Variants in BANK1 observed in about 807,000 individuals in gnomAD.
BANK1 encodes B cell scaffold protein with ankyrin repeats 1, also known as B-cell scaffold protein with ankyrin repeats.
Under a neutral mutation model 94.5 loss-of-function variants are expected in BANK1, and 95 were observed. The ratio of observed to expected loss-of-function variants is 1.00; its 90% confidence interval spans 0.85 to 1.19. BANK1 has a LOEUF of 1.19. Among genes scored for constraint, BANK1 ranks in the 50% most tolerant of loss-of-function variants. The pLI is 0.00. For synonymous variants in BANK1, 334 were observed against 308.4 expected, an observed-to-expected ratio of 1.08 and a Z score of -0.87; for missense variants, 987 against 932.2, an observed-to-expected ratio of 1.06 and a Z score of -0.77.
chr4:102,057,227 TCTCTCTCTCTCTTG>T (rs1193497862), intron 11 of BANK1, among the ~76,000 whole-genome samples: 3 of 151,938 alleles, frequency 2.0e-5, no homozygotes, highest in Non-Finnish European at 2.9e-5. Context: ...TCTCGCTCTC[TCTCTCTCTCTCTTG>T]CTCTCTCTCT....
intron 10 of BANK1, among the ~76,000 whole-genome samples, chr4:102,038,043 A>C (rs957563072): frequency 2.0e-5 from 3 of 152,162 alleles, no homozygotes. Flanking sequence ...GCTTTTTGGA[A>C]TCCTTTTTGA....
chr4:101,927,886 G>A (rs962525958), intron 7 of BANK1, among the ~76,000 whole-genome samples: 4 of 151,550 alleles, frequency 2.6e-5, no homozygotes, highest in African/African-American at 4.8e-5. Flanking sequence ...AGCCAACAAC[G>A]AGCAGCATTT....
At chr4:101,976,991 T>C (rs1725155584) in intron 7 of BANK1, 1 of 152,112 alleles carries the variant, frequency 6.6e-6, no homozygotes, top group African/African-American at 2.4e-5. Flanking sequence ...TACTTTAGTG[T>C]TGTGAAAGTC....
intron 7 of BANK1, among the ~76,000 whole-genome samples, chr4:101,928,285 A>G (rs564243495): frequency 2.6e-5 from 4 of 151,796 alleles, no homozygotes; most frequent in South Asian, 2.1e-4. Flanking sequence ...AGAGTGAAGC[A>G]TGATGCTATT....
chr4:101,800,993 G>A (rs1054869585), intron 1 of BANK1, among the ~76,000 whole-genome samples: 1 of 152,140 alleles, frequency 6.6e-6, no homozygotes, highest in African/African-American at 2.4e-5. Context: ...CCTGACCTTA[G>A]ATGATCCACC....
intron 1 of BANK1, among the ~76,000 whole-genome samples, chr4:101,813,077 T>C (rs1725778949): frequency 1.3e-5 from 2 of 152,140 alleles, no homozygotes; most frequent in Non-Finnish European, 2.9e-5. Flanking sequence ...ACCATTGATA[T>C]TATTTTTTAT....
chr4:102,007,298 A>C (rs1185334511), intron 7 of BANK1, among the ~76,000 whole-genome samples: 3 of 150,412 alleles, frequency 2.0e-5, no homozygotes, highest in Admixed American at 6.7e-5. Flanking sequence ...AGCACAGATC[A>C]ACAACTCTGT....
chr4:101,799,673 G>C (rs1344780812), intron 1 of BANK1, among the ~76,000 whole-genome samples: 1 of 152,100 alleles, frequency 6.6e-6, no homozygotes, highest in East Asian at 1.9e-4. Context: ...AGGAGATCGA[G>C]GCCATCCTGG....
chr4:101,897,557 G>A (rs1457525952), intron 6 of BANK1, among the ~76,000 whole-genome samples: 2 of 151,920 alleles, frequency 1.3e-5, no homozygotes, highest in African/African-American at 4.8e-5. Flanking sequence ...CATTCTAAGT[G>A]TTTGCCTTTT....
chr4:101,807,533 A>G (rs566803238), intron 1 of BANK1, among the ~76,000 whole-genome samples: 1 of 152,252 alleles, frequency 6.6e-6, no homozygotes, highest in Admixed American at 6.5e-5. Context: ...ACTGCCTGCC[A>G]CTATGTCTCC....
At chr4:102,068,498 A>G (rs929965791) in intron 13 of BANK1, among the ~76,000 whole-genome samples, 4 of 152,096 alleles carry the variant, frequency 2.6e-5, no homozygotes, top group African/African-American at 7.2e-5. Flanking sequence ...ACTACAACAG[A>G]TCCTACAGAC....
At position 102,038,219 on chromosome 4, in the gene BANK1, G is replaced by A. The variant is rs190858884; in HGVS notation, c.1901-5620G>A. Among the ~76,000 whole-genome samples, 8 of 152,268 alleles carry A rather than the reference G, an allele frequency of 5.3e-5. No individual in the cohort carries two copies. The East Asian group carries it at 1.5e-3, about 29-fold the overall frequency. On this transcript the variant is annotated intron_variant, in intron 10 of 16. Transcript: ENST00000322953. Reference sequence around the variant, plus strand: ...TTTTATCATCCTGTGAAATATAACAGTGCAAATCATGATCCCAATGCTACT... The same window carrying A: ...TTTTATCATCCTGTGAAATATAACAATGCAAATCATGATCCCAATGCTACT...
chr4:102,041,812 A>G (rs1727712952), intron 10 of BANK1, among the ~76,000 whole-genome samples: 1 of 152,054 alleles, frequency 6.6e-6, no homozygotes, highest in East Asian at 1.9e-4. Flanking sequence ...TAACTGAAAG[A>G]CAGCATTTAT....
At chr4:102,031,390 C>T (rs528489854) in intron 10 of BANK1, among the ~76,000 whole-genome samples, 16 of 152,034 alleles carry the variant, frequency 1.1e-4, no homozygotes, top group Non-Finnish European at 1.5e-5. Context: ...CTGTAGGTTG[C>T]GTGTTCACTC....
rs549971400 is a variant in BANK1, at chr4:101,972,233, T to C, written c.1207-49281T>C. Among the ~76,000 whole-genome samples the C allele has an allele frequency of 1.8e-4, 27 of 152,238 alleles. No homozygotes were observed. The South Asian group carries it at 5.4e-3, about 30-fold the overall frequency. The stretch of plus-strand genomic sequence containing the variant: ...TTATTCCTAAGTCTTTTCTTATAGC[T>C]ATTGTAGTTAGGATTCTTCCCTTGA... On this transcript the variant is annotated intron_variant, in intron 7 of 16. Transcript: ENST00000322953.
At chr4:101,937,108 AC>A (rs1202195833) in intron 7 of BANK1, among the ~76,000 whole-genome samples, 3 of 151,780 alleles carry the variant, frequency 2.0e-5, no homozygotes, top group Non-Finnish European at 2.9e-5. Context: ...ACAGTGAAGT[AC>A]TATTCAGCCA....
chr4:101,893,726 A>G (rs1479451569), intron 5 of BANK1, among the ~76,000 whole-genome samples: 1 of 152,116 alleles, frequency 6.6e-6, no homozygotes, highest in East Asian at 1.9e-4. Flanking sequence ...TCCACTGAAT[A>G]TAAATACTCA....
chr4:101,855,369 G>A (rs113594076), intron 3 of BANK1, among the ~76,000 whole-genome samples, 180 bp downstream of exon 3: 122 of 152,146 alleles, frequency 8.0e-4, no homozygotes, highest in African/African-American at 2.1e-3. Context: ...ATGAGCCACC[G>A]CATCCAGCCC....
chr4:102,049,240 G>A (rs1044693421), intron 11 of BANK1, among the ~76,000 whole-genome samples: 15 of 152,180 alleles, frequency 9.9e-5, no homozygotes, highest in Non-Finnish European at 2.1e-4. Flanking sequence ...TTAGTCATTA[G>A]AAGATTTCTA....
Sources: allele counts gnomAD v4.1 joint callset (sites outside exome capture counted in the v4.1 genomes callset), GRCh38; gene constraint gnomAD v4.1.1; transcripts MANE v1.5; gene names NCBI Gene and HGNC (gene_info 2026-07-23, HGNC 2026-07-21).